Variants in JPH1 observed in about 807,000 individuals in gnomAD.
The protein encoded by JPH1 is junctophilin-1.
JPH1 carries 12 observed loss-of-function variants against 53.6 expected under a neutral mutation model. The observed-to-expected ratio is 0.22, with a 90% CI of 0.14 to 0.36. The LOEUF is 0.36. JPH1 is among the 10% of genes least tolerant of loss of function. JPH1 has a pLI of 1.00. For synonymous variants in JPH1, 375 were observed against 363.8 expected (o/e 1.03, Z -0.35); for missense variants, 808 against 905.5 (o/e 0.89, Z 1.38).
intron 2 of JPH1, among the ~76,000 whole-genome samples, chr8:74,279,431 C>T (rs1806944922): frequency 6.6e-6 from 1 of 152,164 alleles, no homozygotes; most frequent in African/African-American, 2.4e-5. Flanking sequence ...AGTCCTAAAA[C>T]CAGGGCTGCC....
At chr8:74,248,543 A>G (rs565258017) in intron 3 of JPH1, among the ~76,000 whole-genome samples, 53 of 152,330 alleles carry the variant, frequency 3.5e-4, no homozygotes, top group African/African-American at 1.3e-3. Context: ...TACTGCTTGC[A>G]TTGATTGGTT....
chr8:74,279,760 C>A (rs1806956221), intron 2 of JPH1, among the ~76,000 whole-genome samples: 1 of 152,158 alleles, frequency 6.6e-6, no homozygotes, highest in Non-Finnish European at 1.5e-5. Flanking sequence ...CATCTTCACC[C>A]CTTGGCTTTC....
chr8:74,267,399 C>T (rs1248041160), intron 2 of JPH1, among the ~76,000 whole-genome samples: 1 of 152,164 alleles, frequency 6.6e-6, no homozygotes, highest in Admixed American at 6.5e-5. Flanking sequence ...AGTTCTTGTT[C>T]TTGCATAAAT....
chr8:74,266,577 T>C (rs186463738), intron 2 of JPH1, among the ~76,000 whole-genome samples: 82 of 152,246 alleles, frequency 5.4e-4, no homozygotes, highest in African/African-American at 1.9e-3. Flanking sequence ...TGGGTACAGA[T>C]TGTTAGTTTT....
chr8:74,250,658 G>GC (rs1429152749), intron 3 of JPH1, among the ~76,000 whole-genome samples: 2 of 152,178 alleles, frequency 1.3e-5, no homozygotes, highest in Non-Finnish European at 2.9e-5. Flanking sequence ...TAGTGTTAGT[G>GC]CATTTTATGT....
At chr8:74,242,865 T>C (rs1805737273) in intron 4 of JPH1, among the ~76,000 whole-genome samples, 1 of 152,208 alleles carries the variant, frequency 6.6e-6, no homozygotes, top group African/African-American at 2.4e-5. Context: ...CGCAAATAAG[T>C]AAAACAGATG....
intron 3 of JPH1, among the ~76,000 whole-genome samples, chr8:74,256,796 T>C (rs1806253040): frequency 6.6e-6 from 1 of 152,152 alleles, no homozygotes; most frequent in African/African-American, 2.4e-5. Flanking sequence ...CAACATAAGA[T>C]TTAATTAAGA....
rs1313987050 is a variant in JPH1, at chr8:74,244,606, T to C, written c.1828A>G (p.Lys610Glu). The change falls in exon 4 of 6, where the codon AAG becomes GAG. Residue 610 changes from lysine to glutamate, a missense_variant. By Grantham distance (56) the Lys-to-Glu change is moderately conservative. This residue lies in a region of JPH1 where 756 missense variants were observed against 811.9 expected (regional missense o/e 0.93). Coordinates refer to ENST00000342232, the MANE Select transcript of JPH1 (RefSeq NM_020647.4). ...AKESKAEPKA[K>E]KSELAIPKNP... is the part of the protein sequence containing the mutation. ...TTTGGTATAGCAAGTTCAGACTTCT[T>C]AGCTTTTGGCTCAGCTTTGCTTTCT... 4.3e-6 allele frequency: 7 copies of C among 1,614,250 alleles called. No homozygotes were observed. Among genetic ancestry groups the C allele is most frequent in the Non-Finnish European group, 5.9e-6 (7 of 1,180,050 alleles).
At chr8:74,257,647 C>G (rs1034458159) in intron 3 of JPH1, among the ~76,000 whole-genome samples, 5 of 152,152 alleles carry the variant, frequency 3.3e-5, no homozygotes, top group Non-Finnish European at 7.3e-5. Flanking sequence ...ACGTAGGTAC[C>G]AGGGAAGTAT....
Position 74,245,187 on chromosome 8 carries a change from A to C in JPH1, c.1259-12T>G, listed in dbSNP as rs1563393327. On this transcript the variant is annotated splice_polypyrimidine_tract_variant and intron_variant, in intron 3 of 5. Coordinates refer to ENST00000342232, the MANE Select transcript of JPH1 (RefSeq NM_020647.4). ...GACGTAATCAGGGCCTGGCCAAAAAAAAAAGAAAAAAGAAAAAAAGAAAGG... is the reference window on the plus strand; with the variant it reads ...GACGTAATCAGGGCCTGGCCAAAAACAAAAGAAAAAAGAAAAAAAGAAAGG... The C allele has an allele frequency of 4.5e-6, 7 of 1,545,180 alleles. 1 individual carries two copies. The South Asian group carries it at 9.1e-5, about 20-fold the overall frequency.
intron 2 of JPH1, among the ~76,000 whole-genome samples, chr8:74,263,929 C>A (rs1458440912): frequency 6.6e-6 from 1 of 152,174 alleles, no homozygotes; most frequent in Non-Finnish European, 1.5e-5. Flanking sequence ...AGAAATCAGT[C>A]TGTTAAGCAA....
rs554213599 is a variant in JPH1 at position 74,286,051 on chromosome 8, G to A, written c.1140-26548C>T. 4.6e-5 allele frequency among the ~76,000 whole-genome samples: 7 copies of A among 152,192 alleles called. No homozygotes were observed. The South Asian group carries it at 1.2e-3, about 27-fold the overall frequency. On this transcript the variant is annotated intron_variant, in intron 2 of 5. Coordinates refer to ENST00000342232, the MANE Select transcript of JPH1 (RefSeq NM_020647.4). ...TTAAAAATCATCACTTGTAAATACAGGGCAAGAACCTGGTCTATTTAAAAT... is the reference window on the plus strand; with the variant it reads ...TTAAAAATCATCACTTGTAAATACAAGGCAAGAACCTGGTCTATTTAAAAT...
chr8:74,237,020 AGTT>A lies in JPH1; in HGVS notation c.*28_*30del. 3.8e-6 allele frequency: 2 copies of A among 532,914 alleles called. No homozygotes were observed. Among genetic ancestry groups the A allele is most frequent in the East Asian group, 6.5e-5 (2 of 30,994 alleles). The allele number at this position is 532,914 out of a possible 1,614,324, so 33.0% of individuals were successfully genotyped here. A position where few individuals can be genotyped will look rare whatever the true frequency, so the allele number is the denominator to read the frequency against. ...GAGAACTGTGGGCTAACACACCACT[AGTT>A]GTCAGGACTTCACTGAAGGGTCAAA... On this transcript the variant is annotated 3_prime_UTR_variant, in exon 6 of 6. Coordinates refer to ENST00000342232, the MANE Select transcript of JPH1 (RefSeq NM_020647.4).
intron 2 of JPH1, among the ~76,000 whole-genome samples, chr8:74,262,119 T>C (rs771759778): frequency 2.0e-5 from 3 of 152,188 alleles, no homozygotes; most frequent in Non-Finnish European, 2.9e-5. Context: ...TGCTACTGTA[T>C]AGCTGGCCAG....
chr8:74,287,676 T>TC (rs1320781785), intron 2 of JPH1, among the ~76,000 whole-genome samples: 4 of 152,008 alleles, frequency 2.6e-5, no homozygotes, highest in African/African-American at 9.7e-5. Context: ...TTTCTTTTTT[T>TC]TTTTTTTAAG....
chr8:74,251,966 A>G (rs535094846), intron 3 of JPH1, among the ~76,000 whole-genome samples: 165 of 152,344 alleles, frequency 1.1e-3, no homozygotes, highest in Admixed American at 2.1e-3. Context: ...ACTGCTACCA[A>G]AACAGAGACA....
In JPH1 at chr8:74,259,378, G is replaced by A; in HGVS notation, c.1258+7C>T. On this transcript the variant is annotated splice_region_variant and intron_variant, in intron 3 of 5. Transcript: ENST00000342232. ...CTGCCTCACCCATCAAAGGAGCACT[G>A]TTTTACCTGGTTGGTAGAAATCAGG... 1 of 1,608,744 alleles carries A rather than the reference G, an allele frequency of 6.2e-7. No homozygotes were observed. Among genetic ancestry groups the A allele is most frequent in the Non-Finnish European group, 8.5e-7 (1 of 1,175,530 alleles).
intron 2 of JPH1, among the ~76,000 whole-genome samples, chr8:74,281,606 A>T (rs1330811703): frequency 6.6e-6 from 1 of 152,218 alleles, no homozygotes; most frequent in South Asian, 2.1e-4. Flanking sequence ...AAAGATGCTA[A>T]GAGTTCTGAT....
chr8:74,304,879 A>G (rs1437882286), intron 2 of JPH1, among the ~76,000 whole-genome samples: 1 of 152,236 alleles, frequency 6.6e-6, no homozygotes, highest in Non-Finnish European at 1.5e-5. Flanking sequence ...AAGTCCTAAG[A>G]AAATTGACTT....
Sources: gnomAD v4.1 joint callset for allele counts (sites outside exome capture counted in the v4.1 genomes callset) on GRCh38, gnomAD v4.1.1 for gene constraint, gnomAD v4.1.1 regional missense constraint, MANE v1.5 for transcripts, NCBI Gene and HGNC (gene_info 2026-07-23, HGNC 2026-07-21) for gene names.